NBPF12: variants seen among roughly 807,000 people sequenced by gnomAD.
The protein encoded by NBPF12 is NBPF member 12.
A neutral mutation model predicts 146.4 loss-of-function variants in NBPF12; 115 were observed. The observed-to-expected ratio is 0.79, with a 90% CI of 0.68 to 0.92. The LOEUF is 0.92. NBPF12 is among the 40% of genes least tolerant of loss of function. NBPF12 has a pLI of 0.00. For missense variants in NBPF12, 1,205 were observed against 1,326.8 expected, an observed-to-expected ratio of 0.91 and a Z score of 1.43; for synonymous variants, 385 against 508.9, an observed-to-expected ratio of 0.76 and a Z score of 3.28.
rs1485996309 is a variant in NBPF12, at chr1:146,958,178, G to A, written c.-183-1681G>A. 1.0e-4 allele frequency among the ~76,000 whole-genome samples: 12 copies of A among 114,780 alleles called. 1 individual carries two copies. In the East Asian group the frequency reaches 1.7e-3, roughly 16 times the overall value. The allele number at this position is 114,780 out of a possible 152,430, so 75.3% of individuals were successfully genotyped here. A position where few individuals can be genotyped will look rare whatever the true frequency, so the allele number is the denominator to read the frequency against. ...CAGGCCCTGGTGTGTGATGTTCCCC[G>A]CCCTGTGTCCAAGTGTTCTCATTGT... is the stretch of plus-strand genomic sequence containing the variant. On this transcript the variant is annotated intron_variant, in intron 2 of 33. Transcript: ENST00000617844.
Position 146,962,280 on chromosome 1 carries a change from G to A in NBPF12, c.278+17G>A. 1 of 1,595,104 alleles carries A rather than the reference G, an allele frequency of 6.3e-7. No individual in the cohort carries two copies. Among genetic ancestry groups the A allele is most frequent in the Admixed American group, 1.7e-5 (1 of 60,012 alleles). ...GGAGCTCAGGTGAGGGGACCCCATG[G>A]GGGGAGGCAGGCGGGTAGGTGTGTA... On this transcript the variant is annotated intron_variant, in intron 5 of 33. Transcript: ENST00000617844.
At chr1:146,951,256 A>G (rs1383341209) in intron 1 of NBPF12, 92 bp from the exon 5 acceptor site, 2 of 676,986 alleles carry the variant, frequency 3.0e-6, no homozygotes, top group East Asian at 5.7e-5. Context: ...TGAACAGGGC[A>G]TGGGGGCCCT....
At chr1:146,994,352 A>T in exon 34 of NBPF12, 2 of 1,604,606 alleles carry the variant, frequency 1.2e-6, no homozygotes, top group Non-Finnish European at 1.7e-6. Flanking sequence ...GTGCTGATGG[A>T]AGTGGAAGAG....
Position 146,941,117 on chromosome 1 carries a change from T to TTTTTAGTAGAGA in NBPF12, c.-822+2135_-822+2136insTTTTAGTAGAGA, listed in dbSNP as rs1559513754. Reference sequence around the variant, plus strand: ...TTTTCTTTTTGAGACAAGATCTCACTCTGTTGCCCAGGCTGGAGTGCAGTG... The same window carrying TTTTTAGTAGAGA: ...TTTTCTTTTTGAGACAAGATCTCACTTTTTAGTAGAGACTGTTGCCCAGGCTGGAGTGCAGTG... On this transcript the variant is annotated intron_variant, in intron 1 of 35. Coordinates refer to the NBPF12 transcript ENST00000617931. Among the ~76,000 whole-genome samples the TTTTTAGTAGAGA allele has an allele frequency of 2.5e-3, 374 of 151,928 alleles. 1 individual carries two copies. Among genetic ancestry groups the TTTTTAGTAGAGA allele is most frequent in the Non-Finnish European group, 4.0e-3 (274 of 67,972 alleles).
chr1:146,975,930 G>C, intron 16 of NBPF12, 39 bp downstream of exon 19: 3 of 877,860 alleles, frequency 3.4e-6, no homozygotes, highest in Non-Finnish European at 5.4e-6. Context: ...AAAACCCCAG[G>C]CTTATGAGAG....
intron 1 of NBPF12, among the ~76,000 whole-genome samples, chr1:146,943,089 G>C (rs1654878301): frequency 6.8e-6 from 1 of 147,940 alleles, no homozygotes; most frequent in African/African-American, 2.5e-5. Flanking sequence ...TATTTTCAGA[G>C]ATGGGGTCTT....
At chr1:146,958,045 A>G (rs1189881323) in intron 2 of NBPF12, among the ~76,000 whole-genome samples, 2 of 109,194 alleles carry the variant, frequency 1.8e-5, no homozygotes, top group Admixed American at 2.2e-4. Context: ...TATATATATT[A>G]TATACATATA....
chr1:146,994,954 C>T, exon 34 of NBPF12: 1 of 332,654 alleles, frequency 3.0e-6, no homozygotes, highest in East Asian at 7.4e-5. Context: ...AAAGGTGTTA[C>T]CCTGGTTTCA....
At chr1:146,984,371 T>C (rs1657583630) in intron 21 of NBPF12, among the ~76,000 whole-genome samples, 186 bp downstream of exon 24, 1 of 150,132 alleles carries the variant, frequency 6.7e-6, no homozygotes, top group African/African-American at 2.5e-5. Context: ...CCTACCCTTA[T>C]CATTTACTAA....
intron 2 of NBPF12, among the ~76,000 whole-genome samples, chr1:146,944,063 G>T (rs1654916406): frequency 1.8e-5 from 2 of 112,428 alleles, no homozygotes; most frequent in Non-Finnish European, 3.6e-5. Flanking sequence ...GGGAAACATG[G>T]CTCAGTTGCC....
chr1:146,986,093 C>T (rs1460831174), intron 23 of NBPF12, among the ~76,000 whole-genome samples: 2 of 152,018 alleles, frequency 1.3e-5, no homozygotes, highest in South Asian at 2.1e-4. Context: ...TCCTTTGACC[C>T]CTTCATCAGT....
exon 8 of NBPF12, chr1:146,964,932 C>A: frequency 6.2e-7 from 1 of 1,608,364 alleles, no homozygotes; most frequent in Non-Finnish European, 8.5e-7. Flanking sequence ...TCCCTGAGGA[C>A]TCACTGGAGG....
chr1:146,948,660 C>G (rs1415142185), upstream of NBPF12, among the ~76,000 whole-genome samples: 1 of 152,050 alleles, frequency 6.6e-6, no homozygotes, highest in African/African-American at 2.4e-5. Flanking sequence ...AAGGTTTCTC[C>G]CCATGTGATA....
intron 14 of NBPF12, among the ~76,000 whole-genome samples, chr1:146,974,371 C>G (rs1357589486): frequency 1.4e-5 from 2 of 140,114 alleles, no homozygotes; most frequent in African/African-American, 5.5e-5. Context: ...CCTGACTGTA[C>G]AAGAAATCAC....
At chr1:146,990,250 A>G (rs1658064676) in intron 28 of NBPF12, among the ~76,000 whole-genome samples, 1 of 54,888 alleles carries the variant, frequency 1.8e-5, no homozygotes, top group Non-Finnish European at 3.0e-5. Context: ...TGGGATAACG[A>G]TCTACCAGAA....
intron 33 of NBPF12, among the ~76,000 whole-genome samples, chr1:146,994,128 G>GTC (rs1194794987): frequency 9.6e-5 from 10 of 104,114 alleles, no homozygotes; most frequent in East Asian, 2.9e-4. Context: ...CTCTGTCTCT[G>GTC]TCTCTCTCTC....
chr1:146,939,223 G>C (rs1320589672), intron 1 of NBPF12, among the ~76,000 whole-genome samples: 1 of 152,038 alleles, frequency 6.6e-6, no homozygotes, highest in Admixed American at 6.5e-5. Context: ...ACTCCCTGGC[G>C]GGTGTTCTGT....
intron 23 of NBPF12, among the ~76,000 whole-genome samples, 167 bp downstream of exon 26, chr1:146,985,923 T>A (rs1657725000): frequency 6.6e-6 from 1 of 150,584 alleles, no homozygotes; most frequent in Non-Finnish European, 1.5e-5. Flanking sequence ...TTTCCATTTC[T>A]TCCTCCCCTT....
At chr1:146,995,939 ATC>A (rs1267942403) in exon 34 of NBPF12, 1 of 150,746 alleles carries the variant, frequency 6.6e-6, no homozygotes. Flanking sequence ...TTATATACAT[ATC>A]TCTACGCTGC....
Sources: gnomAD v4.1 joint callset for allele counts (sites outside exome capture counted in the v4.1 genomes callset) on GRCh38, gnomAD v4.1.1 for gene constraint, MANE v1.5 for transcripts, NCBI Gene and HGNC (gene_info 2026-07-23, HGNC 2026-07-21) for gene names.